Variants in WDR27 observed in about 807,000 individuals in gnomAD.
WDR27 encodes the protein WD repeat domain 27, also known as WD repeat-containing protein 27.
Under a neutral mutation model 114.4 loss-of-function variants are expected in WDR27, and 100 were observed. The ratio of observed to expected loss-of-function variants is 0.87; its 90% CI spans 0.74 to 1.03. The LOEUF is 1.03. WDR27 is among the 50% of genes least tolerant of loss of function. The probability of loss-of-function intolerance (pLI) is 0.00; values close to 1 mark genes in which losing one functional copy is unlikely to be tolerated. For synonymous variants in WDR27, 449 were observed against 423.1 expected (o/e 1.06, Z -0.75); for missense variants, 1,129 against 1,092.9 (o/e 1.03, Z -0.47).
At chr6:169,444,597 C>G in the WDR27 span, among the ~76,000 whole-genome samples, 3 of 152,178 alleles carry the variant, frequency 2.0e-5, no homozygotes, top group African/African-American at 7.2e-5. Flanking sequence ...GAGACCCAAG[C>G]CAGTGATTGG....
chr6:169,527,803 A>G (rs1795119083), intron 25 of WDR27, among the ~76,000 whole-genome samples: 1 of 152,206 alleles, frequency 6.6e-6, no homozygotes, highest in African/African-American at 2.4e-5. Context: ...AAATTTGTAC[A>G]ATAAATTTTG....
intron 2 of WDR27, among the ~76,000 whole-genome samples, chr6:169,686,619 C>T (rs933556638): frequency 1.3e-5 from 2 of 151,980 alleles, no homozygotes; most frequent in Non-Finnish European, 2.9e-5. Context: ...GCTATACTTA[C>T]ATCAGATAAA....
chr6:169,664,653 A>G (rs971717876), intron 7 of WDR27: 2 of 1,057,684 alleles, frequency 1.9e-6, no homozygotes, highest in African/African-American at 3.3e-5. Flanking sequence ...AGACAAGGCA[A>G]CAGCGGTCAA....
chr6:169,467,659 C>A (rs980240476), intron 25 of WDR27, among the ~76,000 whole-genome samples: 1 of 152,226 alleles, frequency 6.6e-6, no homozygotes, highest in Non-Finnish European at 1.5e-5. Flanking sequence ...CTGGGACCAG[C>A]CCATAAAGCC....
At chr6:169,544,348 A>C (rs987185014) in intron 25 of WDR27, among the ~76,000 whole-genome samples, 6 of 151,996 alleles carry the variant, frequency 3.9e-5, no homozygotes, top group South Asian at 2.1e-4. Context: ...TTAAAAAAAA[A>C]CTCTTAGAAC....
At chr6:169,450,065 T>A in the WDR27 span, among the ~76,000 whole-genome samples, 1 of 152,226 alleles carries the variant, frequency 6.6e-6, no homozygotes, top group Non-Finnish European at 1.5e-5. Flanking sequence ...TCTTTTGCAA[T>A]TATACCAATG....
At chr6:169,579,160 C>T (rs924786036) in intron 24 of WDR27, among the ~76,000 whole-genome samples, 2 of 152,274 alleles carry the variant, frequency 1.3e-5, no homozygotes, top group East Asian at 3.9e-4. Flanking sequence ...CCCGCTTACT[C>T]CTGGTGTCAT....
rs1224718799 is a variant in WDR27 at position 169,500,815 on chromosome 6, T to C, written c.2646-43181A>G. ...GGCTCGGAAATCTGCTGACTTTGAC[T>C]GGAAACCTAAGCAGCCTCTGCACAG... is the stretch of plus-strand genomic sequence containing the variant. On this transcript the variant is annotated intron_variant, in intron 25 of 25. Transcript: ENST00000448612. Among the ~76,000 whole-genome samples the C allele has an allele frequency of 2.6e-5, 4 of 152,318 alleles. No homozygotes were observed. The South Asian group carries it at 8.3e-4, about 32-fold the overall frequency.
the WDR27 span, chr6:169,427,099 G>A: frequency 6.5e-6 from 1 of 152,816 alleles, no homozygotes; most frequent in East Asian, 1.9e-4. Context: ...GTGGTCTCAG[G>A]CCTGAGGCCC....
chr6:169,635,194 C>T (rs557574683), intron 19 of WDR27, among the ~76,000 whole-genome samples: 90 of 151,756 alleles, frequency 5.9e-4, no homozygotes, highest in African/African-American at 2.0e-3. Flanking sequence ...AGTGCAACCC[C>T]GTCTCTACTA....
At chr6:169,529,392 T>C (rs547558643) in intron 25 of WDR27, among the ~76,000 whole-genome samples, 32 of 152,168 alleles carry the variant, frequency 2.1e-4, no homozygotes, top group African/African-American at 7.7e-4. Context: ...CTATTTATAG[T>C]TTCTATTTTC....
intron 25 of WDR27, among the ~76,000 whole-genome samples, chr6:169,532,633 T>C (rs1210597449): frequency 6.6e-6 from 1 of 152,230 alleles, no homozygotes; most frequent in Non-Finnish European, 1.5e-5. Context: ...TTGTTTACTT[T>C]AGTCATATAA....
chr6:169,436,649 T>A, the WDR27 span, among the ~76,000 whole-genome samples: 1 of 152,118 alleles, frequency 6.6e-6, no homozygotes, highest in Non-Finnish European at 1.5e-5. Context: ...AAATGAGATT[T>A]ATAAACTTTT....
intron 21 of WDR27, among the ~76,000 whole-genome samples, chr6:169,625,785 G>A (rs1247709195): frequency 6.6e-6 from 1 of 152,174 alleles, no homozygotes; most frequent in Admixed American, 6.5e-5. Context: ...GGATGAGGAT[G>A]CCCCGTGCTC....
At chr6:169,633,290 G>A (rs1181389958) in intron 20 of WDR27, among the ~76,000 whole-genome samples, 2 of 152,190 alleles carry the variant, frequency 1.3e-5, no homozygotes, top group Non-Finnish European at 2.9e-5. Flanking sequence ...GGGTGGGGGA[G>A]GGCTGCTTAG....
chr6:169,537,160 T>C (rs1366188574), intron 25 of WDR27, among the ~76,000 whole-genome samples: 1 of 152,152 alleles, frequency 6.6e-6, no homozygotes, highest in Non-Finnish European at 1.5e-5. Flanking sequence ...TTCCTAGTGG[T>C]TGAGAGGGAG....
At chr6:169,492,222 G>GA (rs1230923863) in intron 25 of WDR27, among the ~76,000 whole-genome samples, 1,551 of 143,564 alleles carry the variant, frequency 0.011, 21 homozygotes, top group African/African-American at 0.037. Context: ...TAAGAATTTT[G>GA]AAAAAAAAAA....
At position 169,457,575 on chromosome 6, in the gene WDR27, G is replaced by A. The variant is rs1406558544; in HGVS notation, c.*17C>T. ...ACAGCATTCCTGGACCCAGCTCACA[G>A]GTCAGTGGTTACTCAGCTAGAAAGA... is the stretch of plus-strand genomic sequence containing the variant. On this transcript the variant is annotated 3_prime_UTR_variant, in exon 26 of 26. Transcript: ENST00000448612. 1 of 1,550,610 alleles carries A rather than the reference G, an allele frequency of 6.4e-7. No individual in the cohort carries two copies. Among genetic ancestry groups the A allele is most frequent in the Non-Finnish European group, 8.7e-7 (1 of 1,146,348 alleles).
At chr6:169,439,248 A>AT in the WDR27 span, among the ~76,000 whole-genome samples, 3 of 152,240 alleles carry the variant, frequency 2.0e-5, no homozygotes, top group Non-Finnish European at 4.4e-5. Flanking sequence ...TATAAAATTT[A>AT]TAAAGGTCTG....
Sources: gnomAD v4.1 joint callset for allele counts (sites outside exome capture counted in the v4.1 genomes callset) on GRCh38, gnomAD v4.1.1 for gene constraint, MANE v1.5 for transcripts, NCBI Gene and HGNC (gene_info 2026-07-23, HGNC 2026-07-21) for gene names.